Variants in MYO18B observed in about 807,000 individuals in gnomAD.
The protein encoded by MYO18B is myosin XVIIIB, also known as unconventional myosin-XVIIIb.
A neutral mutation model predicts 273.0 loss-of-function variants in MYO18B; 204 were observed. That is an observed-to-expected ratio of 0.75 (90% CI 0.67 to 0.84). The LOEUF (loss-of-function observed/expected upper bound fraction) is 0.84. MYO18B is among the 40% of genes least tolerant of loss of function. MYO18B has a pLI of 0.00. For missense variants in MYO18B, 3,212 were observed against 3,287.6 expected, an observed-to-expected ratio of 0.98 and a Z score of 0.56; for synonymous variants, 1,330 against 1,305.7, an observed-to-expected ratio of 1.02 and a Z score of -0.40.
chr22:25,902,862 A>T, intron 30 of MYO18B, 126 bp downstream of exon 30: 1 of 1,065,650 alleles, frequency 9.4e-7, no homozygotes, highest in Non-Finnish European at 1.3e-6. Context: ...TCTGTCAAGC[A>T]GCTGAATCCC....
At chr22:26,023,827 GAAA>G (rs1233910599) in intron 42 of MYO18B, among the ~76,000 whole-genome samples, 1 of 152,098 alleles carries the variant, frequency 6.6e-6, no homozygotes, top group Non-Finnish European at 1.5e-5. Flanking sequence ...AAGTAAGGAA[GAAA>G]AAAAATACAG....
chr22:25,804,311 A>T (rs5761219), intron 12 of MYO18B, among the ~76,000 whole-genome samples: 10,042 of 152,244 alleles, frequency 0.066, 575 homozygotes, highest in East Asian at 0.21. Context: ...AAGCTAAGGC[A>T]GCCACAAAGA....
At chr22:25,773,486 C>T (rs999114322) in intron 7 of MYO18B, among the ~76,000 whole-genome samples, 10 of 152,012 alleles carry the variant, frequency 6.6e-5, no homozygotes, top group Admixed American at 3.3e-4. Context: ...ACTTTTGAGA[C>T]GGAGTCTCTC....
At chr22:25,928,443 T>C (rs2092451966) in intron 34 of MYO18B, among the ~76,000 whole-genome samples, 1 of 133,724 alleles carries the variant, frequency 7.5e-6, no homozygotes, top group Admixed American at 7.5e-5. Context: ...CCCAGCTAAA[T>C]CACAGGAGCC....
chr22:25,948,523 T>TTCCTTCCTTC (rs1569225706), intron 36 of MYO18B, among the ~76,000 whole-genome samples: 107 of 8,864 alleles, frequency 0.012, 2 homozygotes, highest in African/African-American at 0.028. Context: ...TTTCCTTCTT[T>TTCCTTCCTTC]CTTTCTTCCT....
At chr22:25,840,466 T>C (rs143518898) in intron 17 of MYO18B, among the ~76,000 whole-genome samples, 1 of 152,202 alleles carries the variant, frequency 6.6e-6, no homozygotes, top group African/African-American at 2.4e-5. Flanking sequence ...TCTTCCCCAC[T>C]GCATTGGTCA....
chr22:25,996,993 T>C (rs1933323030), intron 40 of MYO18B, among the ~76,000 whole-genome samples: 1 of 152,066 alleles, frequency 6.6e-6, no homozygotes, highest in South Asian at 2.1e-4. Flanking sequence ...CCAGGCAGGA[T>C]TGGCCACGTC....
chr22:25,993,492 C>G (rs1243814032), intron 40 of MYO18B, among the ~76,000 whole-genome samples: 9 of 152,218 alleles, frequency 5.9e-5, no homozygotes, highest in Admixed American at 6.5e-5. Context: ...TAGTCTTCCT[C>G]TCTGCGAAGG....
rs1011150754 is a variant in MYO18B at position 25,787,272 on chromosome 22, G to A, written c.2376+1781G>A. 6.6e-3 allele frequency among the ~76,000 whole-genome samples: 898 copies of A among 136,710 alleles called. 9 individuals carry two copies. The highest frequency in any genetic ancestry group is 0.021 in the African/African-American group (815 of 39,164). 89.7% of individuals were successfully genotyped at this position (136,710 alleles called of 152,430 possible). A position where few individuals can be genotyped will look rare whatever the true frequency, so the allele number is the denominator to read the frequency against. The stretch of plus-strand genomic sequence containing the variant: ...TAAGCCTGTGTGCGTGCAGGCGCGC[G>A]CACACACACACACACACACACACAC... On this transcript the variant is annotated intron_variant, in intron 11 of 43. Coordinates refer to ENST00000335473, the MANE Select transcript of MYO18B (RefSeq NM_032608.7).
intron 42 of MYO18B, among the ~76,000 whole-genome samples, chr22:26,016,021 T>A (rs1276121058): frequency 6.6e-6 from 1 of 152,234 alleles, no homozygotes; most frequent in Non-Finnish European, 1.5e-5. Context: ...TTCCATTCAG[T>A]TAAAGCTGCA....
At chr22:25,799,131 TTGTG>T (rs61488241) in intron 12 of MYO18B, among the ~76,000 whole-genome samples, 2,219 of 145,238 alleles carry the variant, frequency 0.015, 68 homozygotes, top group East Asian at 0.056. Flanking sequence ...GTGTTTACGT[TTGTG>T]TGTGTGTGTG....
chr22:25,846,093 C>G lies in MYO18B; in HGVS notation c.3369-7C>G, dbSNP rs2090234357. The G allele has an allele frequency of 6.5e-7, 1 of 1,529,312 alleles. No homozygotes were observed. The highest frequency in any genetic ancestry group is 8.7e-7 in the Non-Finnish European group (1 of 1,143,118). 94.7% of individuals were successfully genotyped at this position (1,529,312 alleles called of 1,614,324 possible). On this transcript the variant is annotated splice_polypyrimidine_tract_variant and splice_region_variant and intron_variant, in intron 18 of 43. Coordinates refer to ENST00000335473, the MANE Select transcript of MYO18B (RefSeq NM_032608.7). The stretch of plus-strand genomic sequence containing the variant: ...AGCTCCTCTCTCTTTTCCCTCCTCC[C>G]CACCAGAGAGGAGCTGCGGAGTCTA...
chr22:25,813,826 G>A lies in MYO18B; in HGVS notation c.2522-9679G>A, dbSNP rs1352698385. On this transcript the variant is annotated intron_variant, in intron 12 of 43. Coordinates refer to ENST00000335473, the MANE Select transcript of MYO18B (RefSeq NM_032608.7). ...ATCCATCCTTGGACCCAGTACCCTC[G>A]AGGCCTGTCACCTCCTCTGCCCCAT... 5.9e-5 allele frequency among the ~76,000 whole-genome samples: 9 copies of A among 152,044 alleles called. No individual in the cohort carries two copies. The East Asian group carries it at 1.7e-3, about 29-fold the overall frequency.
intron 11 of MYO18B, among the ~76,000 whole-genome samples, chr22:25,788,873 G>A (rs982815249): frequency 1.3e-5 from 2 of 152,144 alleles, no homozygotes; most frequent in African/African-American, 4.8e-5. Context: ...TAAGCTGGGT[G>A]GCCTTAAGCA....
the MYO18B span, among the ~76,000 whole-genome samples, chr22:26,049,466 G>A: frequency 2.0e-5 from 3 of 152,220 alleles, no homozygotes; most frequent in Admixed American, 6.5e-5. Context: ...AAGCATTGGG[G>A]AGTACAGTAA....
chr22:25,761,372 G>T (rs1347202657), intron 2 of MYO18B, among the ~76,000 whole-genome samples: 1 of 147,462 alleles, frequency 6.8e-6, no homozygotes, highest in African/African-American at 2.6e-5. Context: ...GTTGTTTCCT[G>T]TTCCACAGGT....
At chr22:25,759,658 TAAAGTA>T (rs2086240283) in intron 1 of MYO18B, among the ~76,000 whole-genome samples, 1 of 152,200 alleles carries the variant, frequency 6.6e-6, no homozygotes, top group South Asian at 2.1e-4. Context: ...TCCCAGAACT[TAAAGTA>T]TAATAAAAAT....
intron 29 of MYO18B, chr22:25,898,672 A>G (rs1353545187): frequency 5.6e-6 from 3 of 538,376 alleles, no homozygotes; most frequent in East Asian, 3.2e-5. Context: ...AGCCTCAACT[A>G]TGTGGCCAAT....
At chr22:25,761,692 A>T (rs1177415806) in intron 2 of MYO18B, among the ~76,000 whole-genome samples, 1 of 152,078 alleles carries the variant, frequency 6.6e-6, no homozygotes, top group Non-Finnish European at 1.5e-5. Context: ...CACCTTGTGC[A>T]TGTGATTTGA....
Sources: gnomAD v4.1 joint callset for allele counts (sites outside exome capture counted in the v4.1 genomes callset) on GRCh38, gnomAD v4.1.1 for gene constraint, MANE v1.5 for transcripts, NCBI Gene and HGNC (gene_info 2026-07-23, HGNC 2026-07-21) for gene names.